Variants in SLC35D4 observed in about 807,000 individuals in gnomAD.
SLC35D4 encodes UDP-N-acetylglucosamine transporter SLC35D4.
chr18:23,398,110 A>G, the SLC35D4 span, among the ~76,000 whole-genome samples: 1 of 152,188 alleles, frequency 6.6e-6, no homozygotes, highest in Admixed American at 6.5e-5. Context: ...ACTATCTGGG[A>G]CTAGAGGCAA....
At chr18:23,388,720 G>A in the SLC35D4 span, among the ~76,000 whole-genome samples, 7 of 152,178 alleles carry the variant, frequency 4.6e-5, no homozygotes, top group Admixed American at 2.0e-4. Context: ...AGAAAGAACA[G>A]GTGGGAGATG....
the SLC35D4 span, chr18:23,399,629 C>A: frequency 6.2e-7 from 1 of 1,613,654 alleles, no homozygotes; most frequent in Non-Finnish European, 8.5e-7. Context: ...AAGCAGGAAG[C>A]CACACAAGAA....
the SLC35D4 span, among the ~76,000 whole-genome samples, chr18:23,317,149 G>A: frequency 2.2e-5 from 2 of 89,370 alleles, no homozygotes; most frequent in African/African-American, 8.9e-5. Context: ...AATCCTGGGA[G>A]AAGTTACACA....
At chr18:23,262,673 C>T in the SLC35D4 span, among the ~76,000 whole-genome samples, 1 of 152,240 alleles carries the variant, frequency 6.6e-6, no homozygotes, top group Non-Finnish European at 1.5e-5. Flanking sequence ...GAAAGGGAAG[C>T]TCCAGGGGAG....
chr18:23,400,786 A>G, the SLC35D4 span, among the ~76,000 whole-genome samples: 1 of 152,158 alleles, frequency 6.6e-6, no homozygotes, highest in Non-Finnish European at 1.5e-5. Context: ...TGCTCAAGAA[A>G]TGTTCTTTGT....
the SLC35D4 span, among the ~76,000 whole-genome samples, chr18:23,419,820 T>C: frequency 2.0e-5 from 3 of 152,158 alleles, no homozygotes; most frequent in Admixed American, 6.5e-5. Flanking sequence ...AAAATGTCCT[T>C]GCTCTTAGGA....
the SLC35D4 span, among the ~76,000 whole-genome samples, chr18:23,324,353 T>G: frequency 6.6e-6 from 1 of 152,288 alleles, no homozygotes; most frequent in South Asian, 2.1e-4. Context: ...CTGTGATATT[T>G]TGTCATGGGA....
chr18:23,388,987 CTTTTTT>C, the SLC35D4 span, among the ~76,000 whole-genome samples: 2 of 126,190 alleles, frequency 1.6e-5, no homozygotes, highest in African/African-American at 6.2e-5. Context: ...TCAAGTAGTT[CTTTTTT>C]TTTTTTTTTT....
chr18:23,430,884 G>A, the SLC35D4 span, among the ~76,000 whole-genome samples: 1 of 152,086 alleles, frequency 6.6e-6, no homozygotes, highest in East Asian at 1.9e-4. Flanking sequence ...AGCTGGGCAC[G>A]GTGGCTCATG....
the SLC35D4 span, among the ~76,000 whole-genome samples, chr18:23,362,589 ACT>A: frequency 6.6e-6 from 1 of 152,134 alleles, no homozygotes; most frequent in Non-Finnish European, 1.5e-5. Context: ...ACAGAGCGAG[ACT>A]CTGTCTCAAA....
the SLC35D4 span, among the ~76,000 whole-genome samples, chr18:23,426,196 T>C: frequency 6.6e-6 from 1 of 152,018 alleles, no homozygotes; most frequent in South Asian, 2.1e-4. Flanking sequence ...ATGGAAGCAA[T>C]CATGAAAGAA....
chr18:23,251,137 C>G, the SLC35D4 span, among the ~76,000 whole-genome samples: 1 of 152,204 alleles, frequency 6.6e-6, no homozygotes, highest in Non-Finnish European at 1.5e-5. Flanking sequence ...TTTCTTCTTT[C>G]CTGAGCTTTG....
chr18:23,307,265 T>G, the SLC35D4 span, among the ~76,000 whole-genome samples: 3 of 152,250 alleles, frequency 2.0e-5, no homozygotes, highest in Non-Finnish European at 4.4e-5. Context: ...CTCTATTGCT[T>G]AAAAATACAT....
chr18:23,383,610 G>A, the SLC35D4 span, among the ~76,000 whole-genome samples: 5 of 152,256 alleles, frequency 3.3e-5, no homozygotes, highest in Non-Finnish European at 7.4e-5. Flanking sequence ...TGGGAGGGGA[G>A]AGAAGGGATG....
chr18:23,247,571 C>T, the SLC35D4 span, among the ~76,000 whole-genome samples: 4 of 152,214 alleles, frequency 2.6e-5, no homozygotes, highest in Non-Finnish European at 4.4e-5. Context: ...AGGTGCCTGC[C>T]GCTGTCGACA....
At chr18:23,342,865 C>G in the SLC35D4 span, among the ~76,000 whole-genome samples, 4 of 151,848 alleles carry the variant, frequency 2.6e-5, no homozygotes. Context: ...TAGATATCTT[C>G]TTTTATGAAA....
the SLC35D4 span, chr18:23,356,473 G>T: frequency 1.0e-6 from 1 of 979,630 alleles, no homozygotes; most frequent in Non-Finnish European, 1.6e-6. This position sits in a 1 kb window ranked among gnomAD's most constrained non-coding sequence, Gnocchi z 4.1. Flanking sequence ...TTCCTTGCCT[G>T]CATCCACCAC....
the SLC35D4 span, among the ~76,000 whole-genome samples, chr18:23,314,078 C>A: frequency 2.0e-5 from 3 of 152,230 alleles, no homozygotes; most frequent in African/African-American, 7.2e-5. Flanking sequence ...TAGAACTTAA[C>A]TATGATGCTC....
At chr18:23,370,597 C>G in the SLC35D4 span, among the ~76,000 whole-genome samples, 6 of 152,230 alleles carry the variant, frequency 3.9e-5, no homozygotes. Flanking sequence ...AGAAACACCC[C>G]TGGATTTCTG....
Sources: allele counts gnomAD v4.1 joint callset (sites outside exome capture counted in the v4.1 genomes callset), GRCh38; gene constraint gnomAD v4.1.1; non-coding constraint Gnocchi (gnomAD v3.1); transcripts MANE v1.5; gene names NCBI Gene and HGNC (gene_info 2026-07-23, HGNC 2026-07-21).